The following KLHL29 variants were observed in gnomAD, a reference collection of about 807,000 sequenced individuals.
KLHL29 encodes kelch like family member 29.
A neutral mutation model predicts 80.4 loss-of-function variants in KLHL29; 21 were observed. The observed-to-expected ratio is 0.26, with a 90% CI of 0.19 to 0.38. The LOEUF (loss-of-function observed/expected upper bound fraction) is 0.38, where lower values mean the gene tolerates loss of function less well. KLHL29 is among the 10% of genes least tolerant of loss of function. The pLI is 1.00. For synonymous variants in KLHL29, 511 were observed against 526.8 expected, an observed-to-expected ratio of 0.97 and a Z score of 0.41; for missense variants, 867 against 1,223.9, an observed-to-expected ratio of 0.71 and a Z score of 4.35.
At chr2:23,645,935 C>T (rs556697079) in intron 5 of KLHL29, among the ~76,000 whole-genome samples, 4 of 152,316 alleles carry the variant, frequency 2.6e-5, no homozygotes, top group African/African-American at 9.6e-5. Context: ...GTGCCATTCA[C>T]TTTAATGAGT....
chr2:23,482,519 G>C (rs13011734), intron 2 of KLHL29, among the ~76,000 whole-genome samples: 1 of 152,014 alleles, frequency 6.6e-6, no homozygotes, highest in South Asian at 2.1e-4. Context: ...TTGCACAAAA[G>C]CATCCATCGG....
At chr2:23,679,992 C>T (rs951788306) in intron 5 of KLHL29, among the ~76,000 whole-genome samples, 3 of 152,082 alleles carry the variant, frequency 2.0e-5, no homozygotes, top group Admixed American at 6.6e-5. Flanking sequence ...GGAGGAGGAG[C>T]GGAGGGAACG....
At chr2:23,535,224 G>A (rs568509254) in intron 2 of KLHL29, among the ~76,000 whole-genome samples, 1 of 152,366 alleles carries the variant, frequency 6.6e-6, no homozygotes, top group African/African-American at 2.4e-5. Flanking sequence ...GCTCTGGGAG[G>A]AAAAGAGACA....
intron 1 of KLHL29, among the ~76,000 whole-genome samples, chr2:23,392,846 A>G (rs115039817): frequency 0.039 from 5,932 of 152,294 alleles, 383 homozygotes; most frequent in African/African-American, 0.13. Flanking sequence ...TATACTAATT[A>G]ACATTTTATG....
chr2:23,407,507 A>T (rs189269186), intron 1 of KLHL29, among the ~76,000 whole-genome samples: 2 of 151,492 alleles, frequency 1.3e-5, no homozygotes, highest in Admixed American at 1.3e-4. Flanking sequence ...GCATAAGAGG[A>T]TATTAACCTT....
chr2:23,696,018 G>T lies in KLHL29; in HGVS notation c.1809G>T (p.Val603=), dbSNP rs1238881813. 4.5e-6 allele frequency: 7 copies of T among 1,551,606 alleles called. No homozygotes were observed. Among genetic ancestry groups the T allele is most frequent in the Non-Finnish European group, 6.1e-6 (7 of 1,147,000 alleles). The change falls in exon 10 of 14, where the codon GTG becomes GTT. Residue 603 remains valine (V), a synonymous_variant. Transcript: ENST00000486442. This position sits in a 1 kb window ranked among gnomAD's most constrained non-coding sequence, Gnocchi z 5.5. ...TGGGGATGACCCAGCGCTCGCTGGT[G>T]GCCGTCACCTGCTGGAACCCGCAGA... is the stretch of plus-strand genomic sequence containing the variant. ...QMVGMTQRSL[V]AVTCWNPQNN...
At chr2:23,397,237 G>T (rs1666473876) in intron 1 of KLHL29, among the ~76,000 whole-genome samples, 1 of 152,214 alleles carries the variant, frequency 6.6e-6, no homozygotes, top group Non-Finnish European at 1.5e-5. Flanking sequence ...TCCAGCCCCA[G>T]TTCTAGATGA....
chr2:23,625,964 A>G (rs575849383), intron 3 of KLHL29, among the ~76,000 whole-genome samples: 21 of 152,310 alleles, frequency 1.4e-4, no homozygotes, highest in Non-Finnish European at 2.4e-4. Flanking sequence ...GTGCTGGCAC[A>G]CTGATCTCAG....
chr2:23,472,864 G>T (rs1221068662), intron 1 of KLHL29, among the ~76,000 whole-genome samples: 2 of 152,150 alleles, frequency 1.3e-5, no homozygotes, highest in Non-Finnish European at 1.5e-5. Flanking sequence ...CCAGGGTCTT[G>T]CTTTTAACCC....
intron 3 of KLHL29, among the ~76,000 whole-genome samples, chr2:23,605,793 A>G (rs921689280): frequency 1.8e-4 from 27 of 149,200 alleles, no homozygotes; most frequent in Non-Finnish European, 1.8e-4. Flanking sequence ...TTTTTGAGAC[A>G]GGGTCTCACT....
At chr2:23,447,923 C>G (rs1454310839) in intron 1 of KLHL29, among the ~76,000 whole-genome samples, 1 of 152,060 alleles carries the variant, frequency 6.6e-6, no homozygotes, top group African/African-American at 2.4e-5. Flanking sequence ...CAAAACATAT[C>G]TGGTCCCAAG....
intron 1 of KLHL29, among the ~76,000 whole-genome samples, chr2:23,387,434 G>A (rs1031062805): frequency 6.6e-6 from 1 of 152,042 alleles, no homozygotes. Flanking sequence ...CTCAGCCCTG[G>A]GAGGGCAGAT....
At chr2:23,464,437 C>A (rs1664294809) in intron 1 of KLHL29, among the ~76,000 whole-genome samples, 1 of 152,210 alleles carries the variant, frequency 6.6e-6, no homozygotes. Context: ...CTGAGACCCC[C>A]TCCTCCCTGT....
At chr2:23,451,697 C>T (rs1177542455) in intron 1 of KLHL29, among the ~76,000 whole-genome samples, 1 of 152,184 alleles carries the variant, frequency 6.6e-6, no homozygotes, top group Admixed American at 6.5e-5. Flanking sequence ...CACATTAGTC[C>T]ATTTTACTCC....
intron 3 of KLHL29, among the ~76,000 whole-genome samples, chr2:23,573,553 C>T (rs539548938): frequency 1.6e-4 from 25 of 152,290 alleles, no homozygotes; most frequent in African/African-American, 5.5e-4. Flanking sequence ...GCATATCCTT[C>T]CCTAGTGCTG....
chr2:23,692,771 T>G (rs954715607), intron 7 of KLHL29, among the ~76,000 whole-genome samples: 1 of 151,862 alleles, frequency 6.6e-6, no homozygotes, highest in African/African-American at 2.4e-5. Context: ...GCTGGCCAGA[T>G]GGACCCCAGA....
Position 23,431,589 on chromosome 2 carries a change from T to C in KLHL29, c.-153-43971T>C, listed in dbSNP as rs534018263. Reference sequence around the variant, plus strand: ...CTTCATTTCAATTTCATTCTTTTTTTTCTTATTAAAAAAGCAGTGAAGGCC... The same window carrying C: ...CTTCATTTCAATTTCATTCTTTTTTCTCTTATTAAAAAAGCAGTGAAGGCC... On this transcript the variant is annotated intron_variant, in intron 1 of 13. Coordinates refer to ENST00000486442, the MANE Select transcript of KLHL29 (RefSeq NM_052920.2). Among the ~76,000 whole-genome samples the C allele has an allele frequency of 4.7e-5, 7 of 148,570 alleles. No homozygotes were observed. In the South Asian group the frequency reaches 8.3e-4, roughly 18 times the overall value.
chr2:23,673,290 C>T (rs1205042926), intron 5 of KLHL29, among the ~76,000 whole-genome samples: 2 of 151,716 alleles, frequency 1.3e-5, no homozygotes, highest in African/African-American at 4.8e-5. Context: ...TCCCACACCA[C>T]GTGCTCACAT....
At chr2:23,515,567 T>C (rs1476281644) in intron 2 of KLHL29, among the ~76,000 whole-genome samples, 1 of 152,186 alleles carries the variant, frequency 6.6e-6, no homozygotes, top group African/African-American at 2.4e-5. Flanking sequence ...GTCACAATTA[T>C]AACAAACTGT....
Sources: gnomAD v4.1 joint callset for allele counts (sites outside exome capture counted in the v4.1 genomes callset) on GRCh38, gnomAD v4.1.1 for gene constraint, Gnocchi (gnomAD v3.1) non-coding constraint, MANE v1.5 for transcripts, NCBI Gene and HGNC (gene_info 2026-07-23, HGNC 2026-07-21) for gene names.